Variants in ATP8A2 observed in about 807,000 individuals in gnomAD.
ATP8A2 encodes ATPase phospholipid transporting 8A2, also known as phospholipid-transporting ATPase IB.
ATP8A2 carries 100 observed loss-of-function variants against 165.6 expected under a neutral mutation model. The observed-to-expected ratio is 0.60, with a 90% confidence interval of 0.51 to 0.71. The LOEUF (loss-of-function observed/expected upper bound fraction) is 0.71. Among genes scored for constraint, ATP8A2 ranks in the 30% least tolerant of loss-of-function variants. ATP8A2 has a pLI of 0.00. For synonymous variants in ATP8A2, 543 were observed against 548.8 expected, an observed-to-expected ratio of 0.99 and a Z score of 0.15; for missense variants, 1,227 against 1,479.5, an observed-to-expected ratio of 0.83 and a Z score of 2.80.
intron 24 of ATP8A2, among the ~76,000 whole-genome samples, chr13:25,659,762 AGCGT>A (rs1442321085): frequency 6.6e-6 from 1 of 152,198 alleles, no homozygotes; most frequent in Non-Finnish European, 1.5e-5. Flanking sequence ...TTGTAGGGCA[AGCGT>A]GAAGCTTTCC....
intron 27 of ATP8A2, among the ~76,000 whole-genome samples, chr13:25,798,471 A>C (rs1047911595): frequency 1.3e-5 from 2 of 152,220 alleles, no homozygotes; most frequent in Admixed American, 1.3e-4. Context: ...CTCTTGTCCA[A>C]CTGGCCTATC....
At chr13:25,904,727 T>C (rs1394059183) in intron 33 of ATP8A2, among the ~76,000 whole-genome samples, 2 of 152,238 alleles carry the variant, frequency 1.3e-5, no homozygotes, top group African/African-American at 4.8e-5. Flanking sequence ...TAATGGTTGC[T>C]TATATAACAC....
intron 24 of ATP8A2, among the ~76,000 whole-genome samples, chr13:25,637,900 G>A (rs2041413596): frequency 6.6e-6 from 1 of 152,196 alleles, no homozygotes; most frequent in Non-Finnish European, 1.5e-5. Flanking sequence ...GTACCCCTCT[G>A]AGACGAAGCT....
chr13:25,374,154 G>C (rs564064296), intron 1 of ATP8A2, among the ~76,000 whole-genome samples: 1 of 152,298 alleles, frequency 6.6e-6, no homozygotes, highest in South Asian at 2.1e-4. Flanking sequence ...AGGATGGCCA[G>C]GGAGGTCCCC....
rs186391141 is a variant in ATP8A2, at chr13:25,721,607, A to G, written c.2384+22262A>G. Among the ~76,000 whole-genome samples the G allele has an allele frequency of 3.7e-3, 560 of 152,346 alleles. 2 individuals are homozygous for G. Among genetic ancestry groups the G allele is most frequent in the Non-Finnish European group, 5.9e-3 (404 of 68,040 alleles). ...TAACCTGGTACACTTGAACAGCCCT[A>G]GCCCCCTGCCCTAAGCAGCCACTTA... On this transcript the variant is annotated intron_variant, in intron 25 of 36. Coordinates refer to ENST00000381655, the MANE Select transcript of ATP8A2 (RefSeq NM_016529.6).
intron 25 of ATP8A2, among the ~76,000 whole-genome samples, chr13:25,758,461 T>G (rs1316306480): frequency 6.6e-6 from 1 of 152,204 alleles, no homozygotes; most frequent in Non-Finnish European, 1.5e-5. Context: ...GATCAGACTT[T>G]GTCCAAGGAA....
chr13:25,711,891 TGGA>T (rs1238060976), intron 25 of ATP8A2, among the ~76,000 whole-genome samples: 1 of 152,162 alleles, frequency 6.6e-6, no homozygotes, highest in East Asian at 1.9e-4. Context: ...GAGGGGGTCC[TGGA>T]GGAGGAGTTC....
chr13:25,807,588 A>G (rs1207968980), intron 27 of ATP8A2, among the ~76,000 whole-genome samples: 4 of 152,244 alleles, frequency 2.6e-5, no homozygotes, highest in Non-Finnish European at 4.4e-5. Flanking sequence ...TAGTGAGCAC[A>G]TTAATCCAGT....
At chr13:25,411,237 G>C (rs900573287) in intron 1 of ATP8A2, among the ~76,000 whole-genome samples, 2 of 152,138 alleles carry the variant, frequency 1.3e-5, no homozygotes, top group Non-Finnish European at 2.9e-5. Context: ...AAGACTAAAG[G>C]TTTTTCCCCT....
chr13:25,849,180 C>T (rs1232814802), intron 30 of ATP8A2, among the ~76,000 whole-genome samples: 1 of 152,162 alleles, frequency 6.6e-6, no homozygotes, highest in Non-Finnish European at 1.5e-5. Context: ...GGGAATGGTG[C>T]CACCTCTACC....
At chr13:25,444,521 T>C (rs1593315535) in intron 1 of ATP8A2, among the ~76,000 whole-genome samples, 1 of 152,208 alleles carries the variant, frequency 6.6e-6, no homozygotes, top group Admixed American at 6.5e-5. Flanking sequence ...TGTTGCACAT[T>C]CTGGAGAATG....
At chr13:25,382,313 C>T (rs2032867694) in intron 1 of ATP8A2, among the ~76,000 whole-genome samples, 1 of 152,130 alleles carries the variant, frequency 6.6e-6, no homozygotes, top group South Asian at 2.1e-4. Context: ...CTATCTGTAC[C>T]ACAGTGTATC....
At chr13:25,595,186 C>T (rs1460691635) in intron 24 of ATP8A2, among the ~76,000 whole-genome samples, 1 of 151,870 alleles carries the variant, frequency 6.6e-6, no homozygotes, top group Non-Finnish European at 1.5e-5. Context: ...CGTGTTTCAA[C>T]GTATGGAATA....
intron 16 of ATP8A2, among the ~76,000 whole-genome samples, chr13:25,565,102 T>C (rs2039271955): frequency 6.6e-6 from 1 of 152,212 alleles, no homozygotes; most frequent in Non-Finnish European, 1.5e-5. Context: ...TGTATATGTG[T>C]ATATATTATA....
intron 25 of ATP8A2, among the ~76,000 whole-genome samples, chr13:25,738,277 A>G (rs1053671071): frequency 3.3e-5 from 5 of 151,614 alleles, no homozygotes; most frequent in South Asian, 2.1e-4. Flanking sequence ...CGCAGGTATG[A>G]CACTCCCTCT....
At chr13:25,446,269 T>C (rs2035066115) in intron 1 of ATP8A2, among the ~76,000 whole-genome samples, 1 of 152,212 alleles carries the variant, frequency 6.6e-6, no homozygotes, top group East Asian at 1.9e-4. Context: ...ATAACTCTAA[T>C]GGTGCTTGGA....
chr13:25,567,409 T>A (rs2039346870), intron 16 of ATP8A2: 1 of 456,516 alleles, frequency 2.2e-6, no homozygotes, highest in Admixed American at 2.3e-5. Flanking sequence ...AAGTTAGTGA[T>A]CTTTCTTCTT....
intron 35 of ATP8A2, among the ~76,000 whole-genome samples, chr13:26,008,968 T>G (rs1956792916): frequency 6.6e-6 from 1 of 152,156 alleles, no homozygotes; most frequent in Non-Finnish European, 1.5e-5. Flanking sequence ...AAGCATAAAA[T>G]AAATGACACC....
intron 27 of ATP8A2, among the ~76,000 whole-genome samples, chr13:25,816,797 G>T (rs548332428): frequency 3.3e-5 from 5 of 152,264 alleles, no homozygotes; most frequent in South Asian, 4.1e-4. Context: ...ACCAGAAAAT[G>T]AGACACAAAG....
Sources: gnomAD v4.1 joint callset for allele counts (sites outside exome capture counted in the v4.1 genomes callset) on GRCh38, gnomAD v4.1.1 for gene constraint, MANE v1.5 for transcripts, NCBI Gene and HGNC (gene_info 2026-07-23, HGNC 2026-07-21) for gene names.